LHPP: variants seen among roughly 807,000 people sequenced by gnomAD.
LHPP encodes the protein hLHPP.
LHPP carries 24 observed loss-of-function variants against 30.3 expected under a neutral mutation model. The ratio of observed to expected loss-of-function variants is 0.79; its 90% CI spans 0.57 to 1.11. The LOEUF (loss-of-function observed/expected upper bound fraction) is 1.11, where lower values mean the gene tolerates loss of function less well. LHPP is among the 50% of genes most tolerant of loss of function. The pLI is 0.00. For synonymous variants in LHPP, 150 were observed against 157.1 expected (o/e 0.95, Z 0.34); for missense variants, 356 against 367.2 (o/e 0.97, Z 0.25).
At chr10:124,487,536 G>A (rs765260655) in intron 2 of LHPP, among the ~76,000 whole-genome samples, 6 of 151,268 alleles carry the variant, frequency 4.0e-5, no homozygotes, top group Non-Finnish European at 5.9e-5. Flanking sequence ...TCTGCCTCTC[G>A]GGTTCAAGTG....
intron 6 of LHPP, among the ~76,000 whole-genome samples, chr10:124,579,358 CAG>C (rs1160986346): frequency 2.6e-5 from 4 of 152,340 alleles, no homozygotes; most frequent in South Asian, 2.1e-4. Context: ...ACGGCGCCAA[CAG>C]GGGAAAACTT....
rs1282145244 is a variant in LHPP at position 124,461,844 on chromosome 10, A to G, written c.-19A>G. ...CGGCGTCGGTTGGGACGCGGAGCTG[A>G]GGAGCAGGGCCGGGCGCCATGGCAC... On this transcript the variant is annotated 5_prime_UTR_variant, in exon 1 of 7. Transcript: ENST00000368842. 1 of 1,236,326 alleles carries G rather than the reference A, an allele frequency of 8.1e-7. No homozygotes were observed. The allele number at this position is 1,236,326 out of a possible 1,614,324, so 76.6% of individuals were successfully genotyped here.
chr10:124,582,317 C>T (rs889511311), intron 6 of LHPP, among the ~76,000 whole-genome samples: 1 of 152,198 alleles, frequency 6.6e-6, no homozygotes, highest in African/African-American at 2.4e-5. Flanking sequence ...CTCTTAGCCT[C>T]AAGCAATCCT....
At chr10:124,582,647 T>C (rs962624480) in intron 6 of LHPP, among the ~76,000 whole-genome samples, 4 of 152,204 alleles carry the variant, frequency 2.6e-5, no homozygotes, top group South Asian at 4.1e-4. Context: ...TTAACACATA[T>C]TTTGTGTATG....
intron 6 of LHPP, among the ~76,000 whole-genome samples, chr10:124,591,124 C>T (rs1948878389): frequency 6.6e-6 from 1 of 152,152 alleles, no homozygotes; most frequent in Non-Finnish European, 1.5e-5. Context: ...TTAACTGCTG[C>T]TTCGGGGTCC....
At chr10:124,610,303 AGCGGGT>A (rs1175991407) in intron 6 of LHPP, among the ~76,000 whole-genome samples, 12 of 76,712 alleles carry the variant, frequency 1.6e-4, no homozygotes, top group South Asian at 4.8e-4. Context: ...TTGCTAATGG[AGCGGGT>A]GCGGGTGTGG....
chr10:124,567,558 T>C (rs11591888), intron 6 of LHPP, among the ~76,000 whole-genome samples: 21,041 of 152,258 alleles, frequency 0.14, 1,950 homozygotes, highest in Non-Finnish European at 0.2. Context: ...TTGTGGGCTA[T>C]TGGAGTTCTT....
intron 1 of LHPP, among the ~76,000 whole-genome samples, chr10:124,482,671 C>T (rs1172598957): frequency 2.0e-5 from 3 of 152,022 alleles, no homozygotes; most frequent in Non-Finnish European, 4.4e-5. Context: ...CTAGCACGCT[C>T]GGGTCCCTTC....
At chr10:124,579,240 G>T (rs535410525) in intron 6 of LHPP, among the ~76,000 whole-genome samples, 1 of 152,252 alleles carries the variant, frequency 6.6e-6, no homozygotes, top group African/African-American at 2.4e-5. Context: ...CCACCGGGGC[G>T]CTGGCCAGTC....
intron 6 of LHPP, among the ~76,000 whole-genome samples, chr10:124,573,416 A>G (rs1948615287): frequency 6.6e-6 from 1 of 152,138 alleles, no homozygotes; most frequent in Admixed American, 6.6e-5. Flanking sequence ...ACCTCAAGTG[A>G]TCCTCCCGCC....
chr10:124,509,100 C>A (rs1053207068), intron 5 of LHPP, among the ~76,000 whole-genome samples: 1 of 152,158 alleles, frequency 6.6e-6, no homozygotes, highest in Non-Finnish European at 1.5e-5. Flanking sequence ...ATTTAGCCCC[C>A]ACTTATAAGT....
chr10:124,543,561 G>T (rs1955257325), intron 6 of LHPP, among the ~76,000 whole-genome samples: 1 of 149,970 alleles, frequency 6.7e-6, no homozygotes, highest in African/African-American at 2.5e-5. Context: ...CTTCTAGGTT[G>T]CCAGGGCCAC....
intron 6 of LHPP, among the ~76,000 whole-genome samples, chr10:124,604,686 C>T (rs1314639432): frequency 1.3e-5 from 2 of 152,248 alleles, no homozygotes; most frequent in Admixed American, 6.5e-5. Flanking sequence ...CTGTCCTTGT[C>T]CTGCAAGTCT....
intron 6 of LHPP, among the ~76,000 whole-genome samples, chr10:124,526,460 C>T (rs142634648): frequency 2.4e-4 from 36 of 152,322 alleles, no homozygotes; most frequent in Non-Finnish European, 4.4e-4. Flanking sequence ...TTCGAACCCA[C>T]CTCTGCCTGA....
intron 6 of LHPP, among the ~76,000 whole-genome samples, chr10:124,562,247 T>C (rs997348385): frequency 5.3e-5 from 8 of 152,086 alleles, no homozygotes; most frequent in Non-Finnish European, 1.0e-4. Context: ...GTCAAGGTTG[T>C]AGTGAGCTGA....
At chr10:124,508,900 G>T (rs141966982) in intron 5 of LHPP, among the ~76,000 whole-genome samples, 2 of 151,870 alleles carry the variant, frequency 1.3e-5, no homozygotes, top group Non-Finnish European at 2.9e-5. Context: ...TTAGGTTCAG[G>T]GATACGTGTG....
chr10:124,505,901 A>C (rs537918571), intron 5 of LHPP, among the ~76,000 whole-genome samples: 1 of 152,156 alleles, frequency 6.6e-6, no homozygotes, highest in Non-Finnish European at 1.5e-5. Flanking sequence ...TGAAGCTTAG[A>C]GATGAAACAC....
chr10:124,552,763 C>G (rs1464232176), intron 6 of LHPP, among the ~76,000 whole-genome samples: 1 of 152,202 alleles, frequency 6.6e-6, no homozygotes, highest in Non-Finnish European at 1.5e-5. Context: ...CAGCATGAGG[C>G]CCTGAAAGTG....
At position 124,496,488 on chromosome 10, in the gene LHPP, C is replaced by T. The variant is rs759131845; in HGVS notation, c.468-473C>T. On this transcript the variant is annotated intron_variant, in intron 3 of 6. Transcript: ENST00000368842. The surrounding 1 kb of genome is among the most constrained non-coding windows in gnomAD (Gnocchi z 4.3). ...CGCTTGACCTCCGGCTAACGGGATGCGGCAGGGTGCTGTGGAACTAATGGA... is the reference window on the plus strand; with the variant it reads ...CGCTTGACCTCCGGCTAACGGGATGTGGCAGGGTGCTGTGGAACTAATGGA... Among the ~76,000 whole-genome samples the T allele has an allele frequency of 4.6e-5, 7 of 152,154 alleles. No individual in the cohort carries two copies. The highest frequency in any genetic ancestry group is 7.2e-5 in the African/African-American group (3 of 41,424).
Sources: gnomAD v4.1 joint callset for allele counts (sites outside exome capture counted in the v4.1 genomes callset) on GRCh38, gnomAD v4.1.1 for gene constraint, Gnocchi (gnomAD v3.1) non-coding constraint, MANE v1.5 for transcripts, NCBI Gene and HGNC (gene_info 2026-07-23, HGNC 2026-07-21) for gene names.